Variants in PHACTR1 observed in about 807,000 individuals in gnomAD.
PHACTR1 encodes phosphatase and actin regulator 1.
A neutral mutation model predicts 69.2 loss-of-function variants in PHACTR1; 16 were observed. That is an observed-to-expected ratio of 0.23 (90% confidence interval 0.16 to 0.35). PHACTR1 has a LOEUF of 0.35. PHACTR1 is among the 10% of genes least tolerant of loss of function. The probability of loss-of-function intolerance (pLI) is 1.00; values close to 1 mark genes in which losing one functional copy is unlikely to be tolerated. For synonymous variants in PHACTR1, 312 were observed against 284.5 expected, an observed-to-expected ratio of 1.10 and a Z score of -0.97; for missense variants, 510 against 734.7, an observed-to-expected ratio of 0.69 and a Z score of 3.54.
intron 10 of PHACTR1, among the ~76,000 whole-genome samples, chr6:13,250,414 A>T (rs1774223839): frequency 6.6e-6 from 1 of 152,198 alleles, no homozygotes; most frequent in Non-Finnish European, 1.5e-5. Context: ...ATCATATAGC[A>T]TACAGATTAT....
chr6:12,726,267 T>C (rs533828350), intron 3 of PHACTR1, among the ~76,000 whole-genome samples: 4 of 152,202 alleles, frequency 2.6e-5, no homozygotes, highest in Non-Finnish European at 5.9e-5. Context: ...TAGAATAGTC[T>C]GGGATGATGG....
chr6:13,136,500 C>T (rs1454334545), intron 5 of PHACTR1, among the ~76,000 whole-genome samples: 1 of 152,242 alleles, frequency 6.6e-6, no homozygotes, highest in Non-Finnish European at 1.5e-5. Context: ...TAGACTTTCT[C>T]CATATCAGCA....
At chr6:12,958,101 T>TC in intron 4 of PHACTR1, 1 of 867,714 alleles carries the variant, frequency 1.2e-6, no homozygotes, top group African/African-American at 1.8e-5. Flanking sequence ...GATTTTGTAT[T>TC]GGTTTTATGC....
At chr6:12,739,874 C>A (rs887084586) in intron 3 of PHACTR1, among the ~76,000 whole-genome samples, 5 of 152,130 alleles carry the variant, frequency 3.3e-5, no homozygotes, top group African/African-American at 1.2e-4. Flanking sequence ...ATGTGTAGAG[C>A]AACATGCACA....
chr6:12,724,973 A>T (rs1762598406), intron 3 of PHACTR1, among the ~76,000 whole-genome samples: 1 of 152,234 alleles, frequency 6.6e-6, no homozygotes, highest in Non-Finnish European at 1.5e-5. Context: ...ACTCGGCATT[A>T]GAACCAGGCT....
intron 8 of PHACTR1, among the ~76,000 whole-genome samples, chr6:13,227,368 G>C (rs1769945482): frequency 1.3e-5 from 2 of 152,126 alleles, no homozygotes; most frequent in African/African-American, 4.8e-5. Context: ...TCCTGAATCT[G>C]TAGCTTCACT....
At chr6:13,111,598 A>G (rs1817048065) in intron 5 of PHACTR1, among the ~76,000 whole-genome samples, 1 of 152,140 alleles carries the variant, frequency 6.6e-6, no homozygotes, top group Non-Finnish European at 1.5e-5. Flanking sequence ...CTCGGTTATT[A>G]ATTTGAGATG....
chr6:12,941,862 T>C (rs972775358), intron 4 of PHACTR1, among the ~76,000 whole-genome samples: 1 of 152,160 alleles, frequency 6.6e-6, no homozygotes, highest in Non-Finnish European at 1.5e-5. Flanking sequence ...CAAAGGTCAT[T>C]ATATGGGGCT....
intron 4 of PHACTR1, among the ~76,000 whole-genome samples, chr6:12,757,444 A>G (rs992926597): frequency 6.6e-5 from 10 of 152,188 alleles, no homozygotes; most frequent in African/African-American, 2.4e-4. Flanking sequence ...ATTTGCGCAT[A>G]GGAGTAACAC....
chr6:13,023,026 A>G (rs4621629), intron 4 of PHACTR1, among the ~76,000 whole-genome samples: 291 of 151,934 alleles, frequency 1.9e-3, no homozygotes, highest in African/African-American at 6.9e-3. Flanking sequence ...CAAAATAATA[A>G]TAATAATAAT....
chr6:13,064,618 C>A (rs4574638), intron 5 of PHACTR1, among the ~76,000 whole-genome samples: 403 of 11,560 alleles, frequency 0.035, 115 homozygotes, highest in Middle Eastern at 0.05. Flanking sequence ...ATATATCTAT[C>A]TATCCACACT....
chr6:13,088,323 C>CAAAAA (rs56960328), intron 5 of PHACTR1, among the ~76,000 whole-genome samples: 10 of 141,108 alleles, frequency 7.1e-5, no homozygotes, highest in African/African-American at 2.4e-4. Context: ...CTACCCCCCG[C>CAAAAA]AAAAAAAAAA....
chr6:12,855,655 G>A (rs1780272169), intron 4 of PHACTR1, among the ~76,000 whole-genome samples: 1 of 152,088 alleles, frequency 6.6e-6, no homozygotes, highest in Admixed American at 6.5e-5. Flanking sequence ...AAGGGAGGGA[G>A]GAAGGGAGGT....
chr6:13,148,734 T>C (rs1823833652), intron 5 of PHACTR1, among the ~76,000 whole-genome samples: 1 of 152,226 alleles, frequency 6.6e-6, no homozygotes, highest in Non-Finnish European at 1.5e-5. Context: ...GCTATCTGAA[T>C]TATTTTCAGA....
At chr6:12,875,481 C>A (rs1275852611) in intron 4 of PHACTR1, among the ~76,000 whole-genome samples, 1 of 152,218 alleles carries the variant, frequency 6.6e-6, no homozygotes, top group Non-Finnish European at 1.5e-5. Context: ...CAAGAGTCAG[C>A]CTTGGCCTTT....
intron 4 of PHACTR1, chr6:12,957,920 G>A (rs553913864): frequency 4.7e-5 from 46 of 985,170 alleles, no homozygotes; most frequent in Non-Finnish European, 5.3e-5. Context: ...TATTTTCAGA[G>A]CCCGACACTT....
rs1200390771 is a variant in PHACTR1 at position 12,954,003 on chromosome 6, A to T, written c.251-99362A>T. Among the ~76,000 whole-genome samples, 4 of 152,338 alleles carry T rather than the reference A, an allele frequency of 2.6e-5. No homozygotes were observed. The East Asian group carries it at 7.7e-4, about 29-fold the overall frequency. Reference sequence around the variant, plus strand: ...ATTGACTAATAAAAGCGGCGTGATGACATAGGTGAGGAAACTGTTAATTTT... The same window carrying T: ...ATTGACTAATAAAAGCGGCGTGATGTCATAGGTGAGGAAACTGTTAATTTT... On this transcript the variant is annotated intron_variant, in intron 4 of 14. Transcript: ENST00000332995.
At chr6:12,965,579 G>A (rs1793377975) in intron 4 of PHACTR1, among the ~76,000 whole-genome samples, 1 of 151,892 alleles carries the variant, frequency 6.6e-6, no homozygotes, top group Non-Finnish European at 1.5e-5. Context: ...GAGCTTTATG[G>A]AGAACATACA....
At chr6:12,993,680 G>A (rs1227482098) in intron 4 of PHACTR1, among the ~76,000 whole-genome samples, 1 of 152,222 alleles carries the variant, frequency 6.6e-6, no homozygotes, top group Admixed American at 6.5e-5. Flanking sequence ...GGAGCTGTAA[G>A]CCCAGGGGAT....
Sources: allele counts gnomAD v4.1 joint callset (sites outside exome capture counted in the v4.1 genomes callset), GRCh38; gene constraint gnomAD v4.1.1; transcripts MANE v1.5; gene names NCBI Gene and HGNC (gene_info 2026-07-23, HGNC 2026-07-21).